RBM33: variants seen among roughly 807,000 people sequenced by gnomAD.
The protein encoded by RBM33 is RNA-binding protein 33.
A neutral mutation model predicts 132.6 loss-of-function variants in RBM33; 28 were observed. That is an observed-to-expected ratio of 0.21 (90% CI 0.16 to 0.29). The LOEUF (loss-of-function observed/expected upper bound fraction) is 0.29, where lower values mean the gene tolerates loss of function less well. Ranked by LOEUF, RBM33 falls within the 10% of genes least tolerant of loss-of-function variation. The pLI, the probability that RBM33 is intolerant of heterozygous loss-of-function variation, is 1.00. For missense variants in RBM33, 1,291 were observed against 1,518.5 expected, an observed-to-expected ratio of 0.85 and a Z score of 2.49; for synonymous variants, 634 against 593.0, an observed-to-expected ratio of 1.07 and a Z score of -1.01.
At position 155,774,465 on chromosome 7, in the gene RBM33, T is replaced by C; in HGVS notation, c.3376-94T>C. The C allele has an allele frequency of 1.2e-5, 11 of 905,712 alleles. 1 individual carries two copies. The South Asian group carries it at 1.7e-4, about 14-fold the overall frequency. The allele number at this position is 905,712 out of a possible 1,614,324, so 56.1% of individuals were successfully genotyped here. The stretch of plus-strand genomic sequence containing the variant: ...TGTTCCAAATGTCCGCCTGGACTCA[T>C]TTTGTGTTAAAACTAATAATGCTTA... On this transcript the variant is annotated intron_variant, in intron 16 of 17. Coordinates refer to ENST00000401878, the MANE Select transcript of RBM33 (RefSeq NM_053043.3). This position sits in a 1 kb window ranked among gnomAD's most constrained non-coding sequence, Gnocchi z 4.2.
chr7:155,656,445 T>C (rs918303812), intron 1 of RBM33, among the ~76,000 whole-genome samples: 1 of 152,238 alleles, frequency 6.6e-6, no homozygotes, highest in Non-Finnish European at 1.5e-5. Context: ...TGGCCACTTT[T>C]TGATTATTAG....
At chr7:155,684,938 A>G in intron 5 of RBM33, 2 of 1,550,082 alleles carry the variant, frequency 1.3e-6, no homozygotes, top group African/African-American at 1.4e-5. Flanking sequence ...GTTAGGATGA[A>G]GAATACTTGC....
intron 10 of RBM33, 55 bp downstream of exon 10, chr7:155,737,717 G>T (rs1801176681): frequency 6.8e-7 from 1 of 1,473,726 alleles, no homozygotes; most frequent in Admixed American, 2.7e-5. Flanking sequence ...TGGGTGATGT[G>T]CCCAAACACA....
intron 14 of RBM33, 133 bp from the exon 15 acceptor site, chr7:155,763,679 G>A: frequency 1.3e-6 from 1 of 796,166 alleles, no homozygotes; most frequent in Non-Finnish European, 2.1e-6. Flanking sequence ...GAAATGACAA[G>A]TTTCGAGTCA....
At chr7:155,729,499 G>A (rs898802247) in intron 9 of RBM33, among the ~76,000 whole-genome samples, 6 of 152,166 alleles carry the variant, frequency 3.9e-5, no homozygotes, top group Non-Finnish European at 8.8e-5. Flanking sequence ...TGATTTGGGA[G>A]GCCAAGGTGG....
At chr7:155,758,250 T>G (rs1801915617) in intron 14 of RBM33, among the ~76,000 whole-genome samples, 1 of 152,186 alleles carries the variant, frequency 6.6e-6, no homozygotes, top group Non-Finnish European at 1.5e-5. Flanking sequence ...AGGAGTGCCT[T>G]GAAAATTTCC....
intron 1 of RBM33, among the ~76,000 whole-genome samples, chr7:155,648,883 G>A (rs1255346806): frequency 6.6e-6 from 1 of 152,096 alleles, no homozygotes; most frequent in Non-Finnish European, 1.5e-5. Context: ...TTAATCTTAT[G>A]GAGGATCCTT....
Position 155,738,299 on chromosome 7 carries a change from C to T in RBM33, c.1633C>T (p.Gln545Ter). The T allele has an allele frequency of 6.2e-7, 1 of 1,613,936 alleles. No homozygotes were observed. The highest frequency in any genetic ancestry group is 8.5e-7 in the Non-Finnish European group (1 of 1,179,888). The change falls in exon 11 of 18, where the codon CAG becomes TAG. Residue 545 changes from glutamine to a stop codon, truncating the protein, a stop_gained. Coordinates refer to ENST00000401878, the MANE Select transcript of RBM33 (RefSeq NM_053043.3). LOFTEE classifies it high-confidence loss of function. ...TCCGGTGGGGATTCTGCACTTTAGCCAGCCTGGGTCGGCAACCACACGGCC... is the reference window on the plus strand; with the variant it reads ...TCCGGTGGGGATTCTGCACTTTAGCTAGCCTGGGTCGGCAACCACACGGCC... ...PGPVGILHFS[Q>*]PGSATTRPFI... is the part of the protein sequence containing the mutation.
At chr7:155,729,907 C>T (rs1488054467) in intron 9 of RBM33, among the ~76,000 whole-genome samples, 1 of 152,070 alleles carries the variant, frequency 6.6e-6, no homozygotes, top group Non-Finnish European at 1.5e-5. Context: ...AGTTCACTGC[C>T]CGAGGTCTAG....
intron 14 of RBM33, among the ~76,000 whole-genome samples, chr7:155,756,275 G>C (rs1377581457): frequency 1.3e-5 from 2 of 152,160 alleles, no homozygotes; most frequent in Non-Finnish European, 2.9e-5. Context: ...TTTCAATGCT[G>C]TAATTATATG....
intron 13 of RBM33, 133 bp downstream of exon 13, chr7:155,742,239 T>TTG: frequency 1.2e-6 from 1 of 812,946 alleles, no homozygotes; most frequent in Non-Finnish European, 1.9e-6. Flanking sequence ...CTTTTTTTTT[T>TTG]TTTAACCTAA....
At chr7:155,665,356 G>C (rs1225692721) in intron 2 of RBM33, 103 bp downstream of exon 2, 1 of 998,488 alleles carries the variant, frequency 1.0e-6, no homozygotes, top group Non-Finnish European at 1.6e-6. Context: ...TTGACTACCT[G>C]GCGCTCTCTC....
chr7:155,698,593 C>A (rs1799868641), intron 5 of RBM33, among the ~76,000 whole-genome samples: 1 of 152,116 alleles, frequency 6.6e-6, no homozygotes, highest in Non-Finnish European at 1.5e-5. Context: ...TGATGTAGTT[C>A]AAGGATTAAC....
At chr7:155,766,777 G>A (rs2117073854) in intron 16 of RBM33, 122 bp downstream of exon 16, 2 of 955,444 alleles carry the variant, frequency 2.1e-6, no homozygotes, top group Non-Finnish European at 3.2e-6. Context: ...TACTTGGGAA[G>A]TAAGACAAAT....
intron 3 of RBM33, among the ~76,000 whole-genome samples, chr7:155,677,334 G>A (rs1184617018): frequency 1.3e-5 from 2 of 150,702 alleles, no homozygotes; most frequent in African/African-American, 2.4e-5. Flanking sequence ...TCAGCCTCCC[G>A]AGTAGCTGGG....
chr7:155,673,735 T>C (rs1799054941), intron 3 of RBM33, among the ~76,000 whole-genome samples: 1 of 140,428 alleles, frequency 7.1e-6, no homozygotes. Context: ...CACACATATA[T>C]ACATACACAC....
chr7:155,650,184 G>A (rs1264068067), intron 1 of RBM33, among the ~76,000 whole-genome samples: 1 of 152,168 alleles, frequency 6.6e-6, no homozygotes, highest in Non-Finnish European at 1.5e-5. Flanking sequence ...TGCCGCTCTA[G>A]CTCTGAGAGA....
At chr7:155,709,018 C>T (rs1416841827) in intron 7 of RBM33, among the ~76,000 whole-genome samples, 1 of 151,862 alleles carries the variant, frequency 6.6e-6, no homozygotes, top group African/African-American at 2.4e-5. Context: ...CCTGTTGGAC[C>T]GCACTCTGGG....
Position 155,698,552 on chromosome 7 carries a change from G to T in RBM33, c.568-2221G>T, listed in dbSNP as rs112619275. Reference sequence around the variant, plus strand: ...TAAGCAAGTGCTATCAGCCGTGTTTGGTGGTTTGTCAGGTTAGTTTCCCTA... The same window carrying T: ...TAAGCAAGTGCTATCAGCCGTGTTTTGTGGTTTGTCAGGTTAGTTTCCCTA... On this transcript the variant is annotated intron_variant, in intron 5 of 17. Coordinates refer to ENST00000401878, the MANE Select transcript of RBM33 (RefSeq NM_053043.3). Among the ~76,000 whole-genome samples the T allele has an allele frequency of 1.1e-3, 169 of 152,276 alleles. 2 individuals are homozygous for T. The highest frequency in any genetic ancestry group is 3.9e-3 in the African/African-American group (163 of 41,560).
Sources: allele counts gnomAD v4.1 joint callset (sites outside exome capture counted in the v4.1 genomes callset), GRCh38; gene constraint gnomAD v4.1.1; non-coding constraint Gnocchi (gnomAD v3.1); transcripts MANE v1.5; gene names NCBI Gene and HGNC (gene_info 2026-07-23, HGNC 2026-07-21).